Variants in NAV2 observed in about 807,000 individuals in gnomAD.
NAV2 encodes neuron navigator 2, also known as helicase, APC down-regulated 1.
A neutral mutation model predicts 223.2 loss-of-function variants in NAV2; 54 were observed. The observed-to-expected ratio is 0.24, with a 90% CI of 0.19 to 0.30. The LOEUF is 0.30. NAV2 is among the 10% of genes least tolerant of loss of function. The pLI, the probability that NAV2 is intolerant of heterozygous loss-of-function variation, is 1.00. For synonymous variants in NAV2, 1,279 were observed against 1,239.3 expected (o/e 1.03, Z -0.67); for missense variants, 2,806 against 3,147.5 (o/e 0.89, Z 2.60).
intron 1 of NAV2, among the ~76,000 whole-genome samples, chr11:19,764,690 T>G (rs866905199): frequency 2.0e-5 from 3 of 152,342 alleles, no homozygotes; most frequent in Middle Eastern, 3.4e-3. Flanking sequence ...ATCATCATTC[T>G]TTATGTTATA....
chr11:19,679,904 T>A (rs2048832057), intron 1 of NAV2, among the ~76,000 whole-genome samples: 1 of 152,186 alleles, frequency 6.6e-6, no homozygotes, highest in Non-Finnish European at 1.5e-5. Context: ...CTGAATTTAG[T>A]GCTGAAGGCA....
intron 1 of NAV2, among the ~76,000 whole-genome samples, chr11:19,352,406 A>G (rs1190721542): frequency 1.3e-5 from 2 of 152,258 alleles, no homozygotes; most frequent in Non-Finnish European, 2.9e-5. Flanking sequence ...GGGCTGGTAC[A>G]GCAAGATAAT....
chr11:19,486,943 A>G (rs1554946225), intron 1 of NAV2, among the ~76,000 whole-genome samples: 1 of 152,198 alleles, frequency 6.6e-6, no homozygotes, highest in Non-Finnish European at 1.5e-5. Context: ...CAGGATGCCT[A>G]GGGAAAGTTG....
intron 12 of NAV2, among the ~76,000 whole-genome samples, chr11:20,037,922 G>A (rs2056549180): frequency 3.6e-4 from 1 of 2,796 alleles, no homozygotes; most frequent in South Asian, 0.5. Flanking sequence ...AGGAACCAAG[G>A]AATTGCTCAC....
chr11:19,748,692 G>C (rs1433510508), intron 1 of NAV2, among the ~76,000 whole-genome samples: 1 of 152,196 alleles, frequency 6.6e-6, no homozygotes, highest in Non-Finnish European at 1.5e-5. Context: ...CTTACTTAAA[G>C]GTTCATGGGA....
chr11:19,589,471 A>C lies in NAV2; in HGVS notation c.75+238444A>C, dbSNP rs140402867. Among the ~76,000 whole-genome samples, 379 of 152,304 alleles carry C rather than the reference A, an allele frequency of 2.5e-3. 4 individuals are homozygous for C. The highest frequency in any genetic ancestry group is 8.8e-3 in the African/African-American group (367 of 41,568). On this transcript the variant is annotated intron_variant, in intron 1 of 37. Transcript: ENST00000360655. ...CCTTGGAAGGGAGGTCAGGAAGGTC[A>C]GGGCCCTGGAAAAAGGACATTTGAG...
In NAV2 at chr11:19,529,023, C is replaced by T. The variant is rs142908892; in HGVS notation, c.75+177996C>T. Among the ~76,000 whole-genome samples the T allele has an allele frequency of 1.4e-4, 21 of 151,834 alleles. No homozygotes were observed. The East Asian group carries it at 3.1e-3, about 22-fold the overall frequency. On this transcript the variant is annotated intron_variant, in intron 1 of 37. Transcript: ENST00000360655. Reference sequence around the variant, plus strand: ...AACCTAAAAAGTGAACATCCAGCACCATTATTTTATAGAAGAAAGGGCGTT... The same window carrying T: ...AACCTAAAAAGTGAACATCCAGCACTATTATTTTATAGAAGAAAGGGCGTT...
intron 22 of NAV2, among the ~76,000 whole-genome samples, chr11:20,072,063 G>T (rs1394108006): frequency 6.6e-6 from 1 of 152,128 alleles, no homozygotes; most frequent in Non-Finnish European, 1.5e-5. Flanking sequence ...AGGTTTTTAT[G>T]ATTTTAGGTC....
At chr11:19,375,962 G>A (rs1420176180) in intron 1 of NAV2, among the ~76,000 whole-genome samples, 1 of 152,110 alleles carries the variant, frequency 6.6e-6, no homozygotes, top group Non-Finnish European at 1.5e-5. Flanking sequence ...CTAGGCAAAA[G>A]GATTAAATAT....
intron 1 of NAV2, among the ~76,000 whole-genome samples, chr11:19,451,219 G>A (rs1851778928): frequency 6.6e-6 from 1 of 152,016 alleles, no homozygotes; most frequent in African/African-American, 2.4e-5. Context: ...TTCCAAAACC[G>A]AGTCCCAAGC....
At chr11:19,398,453 A>G (rs757762658) in intron 1 of NAV2, among the ~76,000 whole-genome samples, 1 of 152,132 alleles carries the variant, frequency 6.6e-6, no homozygotes, top group South Asian at 2.1e-4. Context: ...TCTGCATGAC[A>G]TCACCCTGCA....
Position 20,092,250 on chromosome 11 carries a change from A to G in NAV2, c.5697A>G (p.Ser1899=). Reference sequence around the variant, plus strand: ...AAGCTGAGAATGATCGGCTGAAGTCAGAGTCTCAAGGCAGTGGCTGCAGCC... The same window carrying G: ...AAGCTGAGAATGATCGGCTGAAGTCGGAGTCTCAAGGCAGTGGCTGCAGCC... ...KLKAENDRLK[S]ESQGSGCSRA... is the part of the protein sequence containing the mutation. The change falls in exon 28 of 38, where the codon TCA becomes TCG. Residue 1899 remains serine, a synonymous_variant. Coordinates refer to ENST00000349880, the MANE Select transcript of NAV2 (RefSeq NM_145117.5). 3 of 1,614,216 alleles carry G rather than the reference A, an allele frequency of 1.9e-6. No individual in the cohort carries two copies. Among genetic ancestry groups the G allele is most frequent in the Non-Finnish European group, 2.5e-6 (3 of 1,180,024 alleles).
chr11:19,728,505 C>T (rs1021157911), intron 1 of NAV2, among the ~76,000 whole-genome samples: 3 of 152,146 alleles, frequency 2.0e-5, no homozygotes, highest in African/African-American at 4.8e-5. Flanking sequence ...TGGAAAAGAG[C>T]GAGTGGTCAT....
At chr11:19,691,854 G>C (rs1274885890) in intron 1 of NAV2, among the ~76,000 whole-genome samples, 1 of 152,198 alleles carries the variant, frequency 6.6e-6, no homozygotes, top group Non-Finnish European at 1.5e-5. Flanking sequence ...TGGGCCAAAA[G>C]ACCCCTCCCT....
At chr11:19,592,699 A>G (rs2046095905) in intron 1 of NAV2, among the ~76,000 whole-genome samples, 1 of 152,140 alleles carries the variant, frequency 6.6e-6, no homozygotes, top group African/African-American at 2.4e-5. Context: ...ACTTGTGATA[A>G]CAAGTTTATT....
Position 19,842,857 on chromosome 11 carries a change from G to C in NAV2, c.386-14G>C. 1 of 1,613,642 alleles carries C rather than the reference G, an allele frequency of 6.2e-7. No homozygotes were observed. The highest frequency in any genetic ancestry group is 1.3e-5 in the African/African-American group (1 of 75,014). The stretch of plus-strand genomic sequence containing the variant: ...CTGGTGATTTATTTTTCTGACTTGT[G>C]TTTCCTTTTTCAGCAAATGAAAAGA... On this transcript the variant is annotated splice_polypyrimidine_tract_variant and intron_variant, in intron 2 of 37. Coordinates refer to ENST00000349880, the MANE Select transcript of NAV2 (RefSeq NM_145117.5).
chr11:19,851,761 A>C (rs1228494076), intron 3 of NAV2, among the ~76,000 whole-genome samples: 1 of 152,246 alleles, frequency 6.6e-6, no homozygotes, highest in African/African-American at 2.4e-5. Flanking sequence ...AACAATGTTC[A>C]CATCCTAATC....
chr11:19,792,132 A>G (rs1317903164), intron 1 of NAV2, among the ~76,000 whole-genome samples: 1 of 152,178 alleles, frequency 6.6e-6, no homozygotes, highest in East Asian at 1.9e-4. Context: ...GGTGGGAGGT[A>G]ATTAAATTTA....
At chr11:19,879,110 A>C (rs575378170) in intron 4 of NAV2, among the ~76,000 whole-genome samples, 2 of 152,142 alleles carry the variant, frequency 1.3e-5, no homozygotes, top group Non-Finnish European at 2.9e-5. Context: ...GAAAGGAGGG[A>C]TCTCCCAAGG....
Sources: gnomAD v4.1 joint callset for allele counts (sites outside exome capture counted in the v4.1 genomes callset) on GRCh38, gnomAD v4.1.1 for gene constraint, MANE v1.5 for transcripts, NCBI Gene and HGNC (gene_info 2026-07-23, HGNC 2026-07-21) for gene names.